MAP2K3: variants seen among roughly 807,000 people sequenced by gnomAD.
MAP2K3 encodes mitogen-activated protein kinase kinase 3, also known as dual specificity mitogen-activated protein kinase kinase 3.
Under a neutral mutation model 46.4 loss-of-function variants are expected in MAP2K3, and 30 were observed. That is an observed-to-expected ratio of 0.65 (90% CI 0.48 to 0.88). The LOEUF is 0.88. MAP2K3 is among the 40% of genes least tolerant of loss of function. The pLI is 0.00. For missense variants in MAP2K3, 380 were observed against 464.5 expected (o/e 0.82, Z 1.67); for synonymous variants, 189 against 176.3 (o/e 1.07, Z -0.57).
In MAP2K3 at chr17:21,284,878, C is replaced by G. The variant is rs754468802; in HGVS notation, c.-43C>G. On this transcript the variant is annotated 5_prime_UTR_variant, in exon 1 of 12. Transcript: ENST00000342679. Reference sequence around the variant, plus strand: ...GCTCGGCCCCGGTGGAGCCCGCAGTCCTCTAGATTAGTCTCCACCGCCGTC... The same window carrying G: ...GCTCGGCCCCGGTGGAGCCCGCAGTGCTCTAGATTAGTCTCCACCGCCGTC... The G allele has an allele frequency of 3.3e-5, 53 of 1,606,884 alleles. 1 individual carries two copies. In the South Asian group the frequency reaches 5.4e-4, roughly 16 times the overall value.
At chr17:21,305,506 T>C (rs1489849450) in intron 9 of MAP2K3, among the ~76,000 whole-genome samples, 2 of 152,302 alleles carry the variant, frequency 1.3e-5, no homozygotes, top group Non-Finnish European at 2.9e-5. Flanking sequence ...TTGTTGTCGG[T>C]GGCGTCCTGG....
In MAP2K3 at chr17:21,297,142, C is replaced by T. The variant is rs1266999593; in HGVS notation, c.50-1271C>T. On this transcript the variant is annotated intron_variant, in intron 1 of 11. Coordinates refer to ENST00000342679, the MANE Select transcript of MAP2K3 (RefSeq NM_145109.3). ...CTTCCCAGTAGCGGTAACCACCCTT[C>T]GCCCTCCATCTGGGCTGGGTTGGCT... 9.2e-5 allele frequency among the ~76,000 whole-genome samples: 14 copies of T among 152,426 alleles called. No homozygotes were observed. The East Asian group carries it at 1.9e-3, about 21-fold the overall frequency.
In MAP2K3 at chr17:21,291,336, T is replaced by TACACAACACAACACAACACAAC. The variant is rs1555547331; in HGVS notation, c.49+6370_49+6371insCAACACAACACAACACAACACA. 12 of 52,740 alleles carry TACACAACACAACACAACACAAC rather than the reference T, an allele frequency of 2.3e-4. No homozygotes were observed. In the African/African-American group the frequency reaches 3.1e-3, roughly 14 times the overall value. The allele number at this position is 52,740 out of a possible 1,614,324, so 3.3% of individuals were successfully genotyped here. A position where few individuals can be genotyped will look rare whatever the true frequency, so the allele number is the denominator to read the frequency against. On this transcript the variant is annotated intron_variant, in intron 1 of 11. Coordinates refer to ENST00000342679, the MANE Select transcript of MAP2K3 (RefSeq NM_145109.3). ...TACAATAGAATACAATAGAATACAG[T>TACACAACACAACACAACACAAC]ACAATACAATACAACACAACACAAC...
intron 1 of MAP2K3, chr17:21,287,901 C>T: frequency 1.9e-6 from 1 of 531,918 alleles, no homozygotes; most frequent in Non-Finnish European, 3.3e-6. Context: ...CCTAGCCCTG[C>T]CTGCTGTGGC....
intron 5 of MAP2K3, among the ~76,000 whole-genome samples, chr17:21,301,353 G>A (rs1406563495): frequency 1.3e-5 from 2 of 152,312 alleles, no homozygotes; most frequent in Non-Finnish European, 2.9e-5. Context: ...AACGGCCATG[G>A]AGATATGAGA....
chr17:21,295,887 G>A, intron 1 of MAP2K3: 1 of 1,280,498 alleles, frequency 7.8e-7, no homozygotes, highest in Non-Finnish European at 1.0e-6. Context: ...AGAGTGCAGG[G>A]AGGGTGTGGC....
At chr17:21,299,011 G>C (rs1452655460) in intron 3 of MAP2K3, 85 bp downstream of exon 3, 2 of 1,578,108 alleles carry the variant, frequency 1.3e-6, no homozygotes, top group African/African-American at 2.7e-5. Context: ...ACTTTGGGGG[G>C]AGGTGACTGA....
intron 1 of MAP2K3, chr17:21,288,076 G>T: frequency 7.8e-7 from 1 of 1,289,364 alleles, no homozygotes; most frequent in African/African-American, 1.5e-5. Flanking sequence ...GGCCGGGGCA[G>T]CGGAGGCTTC....
chr17:21,287,160 G>A (rs1286147346), intron 1 of MAP2K3, among the ~76,000 whole-genome samples: 1 of 152,208 alleles, frequency 6.6e-6, no homozygotes, highest in Non-Finnish European at 1.5e-5. Context: ...CTGGTGGGGT[G>A]CCCCCACCCC....
intron 1 of MAP2K3, chr17:21,295,731 C>G (rs1976205452): frequency 7.0e-6 from 9 of 1,287,286 alleles, no homozygotes; most frequent in Non-Finnish European, 9.1e-6. Flanking sequence ...GAGCGTGGTC[C>G]CCACCCATCC....
At position 21,309,762 on chromosome 17, in the gene MAP2K3, CG is replaced by C. The variant is rs1280668285; in HGVS notation, c.775-2379del. Among the ~76,000 whole-genome samples, 32 of 151,740 alleles carry C rather than the reference CG, an allele frequency of 2.1e-4. No homozygotes were observed. In the Middle Eastern group the frequency reaches 0.014, roughly 65 times the overall value. ...CCGAGTAGCTGGGACTACAGGCGTG[CG>C]CCACCATGCCTGGCTAATTTTTGTA... On this transcript the variant is annotated intron_variant, in intron 9 of 11. Transcript: ENST00000342679.
At chr17:21,306,136 C>T (rs1338930757) in intron 9 of MAP2K3, among the ~76,000 whole-genome samples, 2 of 152,242 alleles carry the variant, frequency 1.3e-5, no homozygotes, top group Non-Finnish European at 2.9e-5. Flanking sequence ...CTGGAGTTCG[C>T]ACAGACCCCA....
chr17:21,296,434 C>T (rs1450731637), intron 1 of MAP2K3, among the ~76,000 whole-genome samples: 1 of 152,312 alleles, frequency 6.6e-6, no homozygotes, highest in Non-Finnish European at 1.5e-5. Flanking sequence ...TGCTGAGCCT[C>T]TGCATCTCCA....
intron 1 of MAP2K3, among the ~76,000 whole-genome samples, chr17:21,291,219 G>A (rs539600459): frequency 2.0e-4 from 30 of 151,840 alleles, no homozygotes; most frequent in African/African-American, 4.4e-4. Context: ...ACTCCAGCCT[G>A]GGCAATAGAG....
In MAP2K3 at chr17:21,291,005, G is replaced by A. The variant is rs188698600; in HGVS notation, c.49+6036G>A. Among the ~76,000 whole-genome samples, 60 of 152,398 alleles carry A rather than the reference G, an allele frequency of 3.9e-4. No individual in the cohort carries two copies. The East Asian group carries it at 0.011, about 27-fold the overall frequency. On this transcript the variant is annotated intron_variant, in intron 1 of 11. Coordinates refer to ENST00000342679, the MANE Select transcript of MAP2K3 (RefSeq NM_145109.3). ...CGCCTGTAATCCCAGCACTTTGGGA[G>A]GCCGAGGCGGGTGGATCATGAGGTC...
At chr17:21,300,731 C>A in intron 4 of MAP2K3, 73 bp downstream of exon 4, 1 of 1,598,892 alleles carries the variant, frequency 6.3e-7, no homozygotes, top group South Asian at 1.1e-5. Context: ...GGGGCCCTGC[C>A]TATCCCTCTC....
intron 1 of MAP2K3, among the ~76,000 whole-genome samples, chr17:21,289,806 A>T (rs1424962964): frequency 6.6e-6 from 1 of 152,126 alleles, no homozygotes; most frequent in Non-Finnish European, 1.5e-5. Context: ...AGGGCCCCAG[A>T]CTTTCTTCCC....
intron 1 of MAP2K3, chr17:21,296,245 A>T (rs1345846585): frequency 3.2e-6 from 4 of 1,249,850 alleles, no homozygotes; most frequent in Middle Eastern, 2.8e-4. Context: ...TGTTTTGTAC[A>T]TGAGGAACCC....
At chr17:21,287,629 C>T (rs939113935) in intron 1 of MAP2K3, among the ~76,000 whole-genome samples, 2 of 152,240 alleles carry the variant, frequency 1.3e-5, no homozygotes, top group African/African-American at 4.8e-5. Context: ...TCCTTGCCCA[C>T]ATGGCCATCT....
Sources: allele counts gnomAD v4.1 joint callset (sites outside exome capture counted in the v4.1 genomes callset), GRCh38; gene constraint gnomAD v4.1.1; transcripts MANE v1.5; gene names NCBI Gene and HGNC (gene_info 2026-07-23, HGNC 2026-07-21).